SMIM27: variants seen among roughly 807,000 people sequenced by gnomAD.
The protein encoded by SMIM27 is TOPORS antisense RNA 1 (non-protein coding).
In SMIM27, 3 loss-of-function variants were observed where a neutral mutation model predicts 1.8. The ratio of observed to expected loss-of-function variants is 1.65; its 90% CI spans 0.75 to 4.28. SMIM27 has a LOEUF of 4.28. Among genes scored for constraint, SMIM27 ranks in the 30% most tolerant of loss-of-function variants. SMIM27 has a pLI of 0.02. For synonymous variants in SMIM27, 19 were observed against 13.9 expected (o/e 1.37, Z -0.82); for missense variants, 63 against 37.0 (o/e 1.70, Z -1.83).
At chr9:32,559,285 G>A (rs146170319) in intron 1 of SMIM27, among the ~76,000 whole-genome samples, 3 of 152,082 alleles carry the variant, frequency 2.0e-5, no homozygotes, top group Non-Finnish European at 4.4e-5. Context: ...AATATACCCT[G>A]AATCCAACTG....
At chr9:32,566,749 C>G (rs1587648687) in exon 2 of SMIM27, 1 of 921,436 alleles carries the variant, frequency 1.1e-6, no homozygotes, top group East Asian at 2.5e-5. Flanking sequence ...CACAGCGGGT[C>G]CTCAGCCCGG....
chr9:32,560,992 A>G (rs1228991642), intron 1 of SMIM27, among the ~76,000 whole-genome samples: 3 of 152,248 alleles, frequency 2.0e-5, no homozygotes, highest in African/African-American at 4.8e-5. Flanking sequence ...AGAAAGTAAT[A>G]TATTTTCTTC....
downstream of SMIM27, among the ~76,000 whole-genome samples, chr9:32,557,039 G>C (rs71523492): frequency 0.1 from 15,550 of 150,136 alleles, 1,006 homozygotes; most frequent in Middle Eastern, 0.27. Flanking sequence ...TTTATTAATA[G>C]TAGAGATGGA....
upstream of SMIM27, chr9:32,552,262 C>T: frequency 1.2e-6 from 1 of 858,582 alleles, no homozygotes; most frequent in Non-Finnish European, 1.9e-6. Flanking sequence ...CACGTGATAC[C>T]GCCCCCCAAC....
At chr9:32,554,543 G>GT (rs574463753), downstream of SMIM27, among the ~76,000 whole-genome samples, 200 of 152,332 alleles carry the variant, frequency 1.3e-3, 3 homozygotes, top group African/African-American at 4.2e-3. Flanking sequence ...TCAGCCATGT[G>GT]TTTAAGATAG....
intron 1 of SMIM27, among the ~76,000 whole-genome samples, chr9:32,565,117 A>G (rs575801178): frequency 6.6e-6 from 1 of 151,848 alleles, no homozygotes; most frequent in South Asian, 2.1e-4. Flanking sequence ...ACATGGCAAA[A>G]CCTCATCTCT....
At chr9:32,566,112 G>A in intron 1 of SMIM27, 2 of 537,552 alleles carry the variant, frequency 3.7e-6, no homozygotes, top group Non-Finnish European at 6.7e-6. Context: ...GCCCACGACA[G>A]GCCTCGAACA....
At chr9:32,564,281 C>T (rs1350340308) in intron 1 of SMIM27, among the ~76,000 whole-genome samples, 3 of 152,060 alleles carry the variant, frequency 2.0e-5, no homozygotes, top group South Asian at 2.1e-4. Context: ...CTCCCTTTTC[C>T]GGCAGTGAGA....
intron 1 of SMIM27, among the ~76,000 whole-genome samples, chr9:32,563,326 C>G (rs1000732360): frequency 6.7e-6 from 1 of 148,388 alleles, no homozygotes; most frequent in African/African-American, 2.5e-5. Context: ...TTAGCATCCT[C>G]TTTTTTTTTT....
At chr9:32,566,490 G>C in exon 2 of SMIM27, 1 of 787,114 alleles carries the variant, frequency 1.3e-6, no homozygotes, top group Non-Finnish European at 2.3e-6. Flanking sequence ...CCTGGCAGGA[G>C]AACTAGCCTT....
chr9:32,564,633 T>C (rs1395873247), intron 1 of SMIM27, among the ~76,000 whole-genome samples: 1 of 152,076 alleles, frequency 6.6e-6, no homozygotes, highest in African/African-American at 2.4e-5. Context: ...CACCCCCATG[T>C]CCCCCAGGAT....
intron 1 of SMIM27, among the ~76,000 whole-genome samples, chr9:32,561,563 A>G (rs773730953): frequency 2.6e-5 from 4 of 152,076 alleles, no homozygotes; most frequent in Non-Finnish European, 4.4e-5. Context: ...CTCTGAGCTC[A>G]AGCAATCCAC....
Position 32,552,918 on chromosome 9 carries a change from T to C in SMIM27, c.163T>C (p.Leu55=). Residue 55 remains leucine (L), a synonymous_variant, in exon 2 of 2, where the codon TTG becomes CTG. Coordinates refer to ENST00000692500, the MANE Select transcript of SMIM27 (RefSeq NM_001387564.1). Reference sequence around the variant, plus strand: ...CAAAATCTTTGGGACGAATGAAAATTTGTAACTCTTCTGGATTTAATTATC... The same window carrying C: ...CAAAATCTTTGGGACGAATGAAAATCTGTAACTCTTCTGGATTTAATTATC... The part of the protein sequence containing the change: ...PDKIFGTNEN[L] 1 of 701,956 alleles carries C rather than the reference T, an allele frequency of 1.4e-6. No individual in the cohort carries two copies. Among genetic ancestry groups the C allele is most frequent in the Non-Finnish European group, 2.6e-6 (1 of 384,604 alleles). The allele number at this position is 701,956 out of a possible 1,614,324, so 43.5% of individuals were successfully genotyped here.
At chr9:32,565,592 C>A (rs1342352943) in intron 1 of SMIM27, 3 of 152,404 alleles carry the variant, frequency 2.0e-5, no homozygotes, top group African/African-American at 4.8e-5. Flanking sequence ...CAGCTCAGGA[C>A]AATTCTTATC....
chr9:32,566,148 T>C (rs1264003689), intron 1 of SMIM27: 11 of 683,590 alleles, frequency 1.6e-5, no homozygotes, highest in Non-Finnish European at 2.9e-5. Context: ...TGTGTATATG[T>C]CACTGGCGCT....
At chr9:32,553,575 C>G (rs1587632269), downstream of SMIM27, 1 of 292,858 alleles carries the variant, frequency 3.4e-6, no homozygotes, top group Non-Finnish European at 6.4e-6. Context: ...TACCCTGATA[C>G]CAAATTAGTG....
At chr9:32,561,090 A>C (rs1160610584) in intron 1 of SMIM27, among the ~76,000 whole-genome samples, 1 of 152,218 alleles carries the variant, frequency 6.6e-6, no homozygotes, top group East Asian at 1.9e-4. Context: ...ACTTTTTTAA[A>C]GCCCATCAAC....
At chr9:32,562,757 A>C (rs1299695700) in intron 1 of SMIM27, among the ~76,000 whole-genome samples, 1 of 152,232 alleles carries the variant, frequency 6.6e-6, no homozygotes, top group African/African-American at 2.4e-5. Context: ...CTGATCTAAA[A>C]AATCCATTCA....
At chr9:32,556,352 CT>C (rs1256173973), downstream of SMIM27, among the ~76,000 whole-genome samples, 1 of 152,152 alleles carries the variant, frequency 6.6e-6, no homozygotes, top group African/African-American at 2.4e-5. Context: ...AAATCATCCC[CT>C]GAGACATCCT....
Sources: allele counts gnomAD v4.1 joint callset (sites outside exome capture counted in the v4.1 genomes callset), GRCh38; gene constraint gnomAD v4.1.1; transcripts MANE v1.5; gene names NCBI Gene and HGNC (gene_info 2026-07-23, HGNC 2026-07-21).